CRYZL1: variants seen among roughly 807,000 people sequenced by gnomAD.
CRYZL1 encodes ferry endosomal RAB5 effector complex subunit 4.
Under a neutral mutation model 50.6 loss-of-function variants are expected in CRYZL1, and 34 were observed. That is an observed-to-expected ratio of 0.67 (90% CI 0.51 to 0.89). CRYZL1 has a LOEUF of 0.89. Among genes scored for constraint, CRYZL1 ranks in the 40% least tolerant of loss-of-function variants. The probability of loss-of-function intolerance (pLI) is 0.00; values close to 1 mark genes in which losing one functional copy is unlikely to be tolerated. For missense variants in CRYZL1, 354 were observed against 402.3 expected (o/e 0.88, Z 1.03); for synonymous variants, 125 against 134.3 (o/e 0.93, Z 0.48).
intron 3 of CRYZL1, among the ~76,000 whole-genome samples, chr21:33,623,553 C>G (rs973228672): frequency 2.0e-5 from 3 of 152,166 alleles, no homozygotes; most frequent in Non-Finnish European, 4.4e-5. Context: ...TACTAGTACT[C>G]TTGTGAAAAG....
At chr21:33,622,225 T>C (rs1210289726) in intron 3 of CRYZL1, among the ~76,000 whole-genome samples, 157 bp from the exon 4 acceptor site, 1 of 152,112 alleles carries the variant, frequency 6.6e-6, no homozygotes, top group East Asian at 1.9e-4. Flanking sequence ...ACAAAATAGG[T>C]TTCTCTAAAG....
At chr21:33,607,246 T>G (rs781239247) in intron 6 of CRYZL1, among the ~76,000 whole-genome samples, 12 of 152,226 alleles carry the variant, frequency 7.9e-5, no homozygotes, top group Non-Finnish European at 1.5e-4. Flanking sequence ...GAAATAGGAC[T>G]AACACCACAT....
At chr21:33,610,001 GC>G (rs955027235) in intron 6 of CRYZL1, among the ~76,000 whole-genome samples, 24 of 147,272 alleles carry the variant, frequency 1.6e-4, no homozygotes, top group Admixed American at 6.8e-5. Context: ...ACCATGCCTA[GC>G]CTTTTTTTTT....
intron 1 of CRYZL1, among the ~76,000 whole-genome samples, chr21:33,632,953 G>T (rs2087158818): frequency 6.6e-6 from 1 of 152,022 alleles, no homozygotes; most frequent in Admixed American, 6.6e-5. Flanking sequence ...GCACAGATTA[G>T]TTTTGTCTGC....
Position 33,626,701 on chromosome 21 carries a change from A to AG in CRYZL1, c.67-1942_67-1941insC, listed in dbSNP as rs1463315219. Among the ~76,000 whole-genome samples, 3 of 151,946 alleles carry AG rather than the reference A, an allele frequency of 2.0e-5. No individual in the cohort carries two copies. The East Asian group carries it at 5.8e-4, about 29-fold the overall frequency. ...GACAGAGCGAGACCCTGTCTCAAAA[A>AG]AAAAAAAAAAGAAAAAGAAAAGAAA... On this transcript the variant is annotated intron_variant, in intron 2 of 12. Coordinates refer to ENST00000381554, the MANE Select transcript of CRYZL1 (RefSeq NM_145858.3).
In CRYZL1 at chr21:33,598,069, GAAAT is replaced by G. The variant is rs112528976; in HGVS notation, c.677-672_677-669del. On this transcript the variant is annotated intron_variant, in intron 9 of 12. Coordinates refer to ENST00000381554, the MANE Select transcript of CRYZL1 (RefSeq NM_145858.3). Reference sequence around the variant, plus strand: ...ATTTATTGTAAATCTACTTATTATAGAAATAAATAAAGATAAAAAGTCTATCTTC... The same window carrying G: ...ATTTATTGTAAATCTACTTATTATAGAAATAAAGATAAAAAGTCTATCTTC... 4.9e-3 allele frequency among the ~76,000 whole-genome samples: 742 copies of G among 152,066 alleles called. 6 individuals are homozygous for G. Among genetic ancestry groups the G allele is most frequent in the African/African-American group, 0.017 (700 of 41,460 alleles).
chr21:33,634,880 A>ATATATATATATATAT (rs1491448633), intron 1 of CRYZL1, among the ~76,000 whole-genome samples: 1 of 144,400 alleles, frequency 6.9e-6, no homozygotes, highest in Admixed American at 7.0e-5. Context: ...CAACAACAAC[A>ATATATATATATATAT]ATATATATAT....
chr21:33,625,162 T>G (rs980941513), intron 2 of CRYZL1, among the ~76,000 whole-genome samples: 1 of 151,792 alleles, frequency 6.6e-6, no homozygotes, highest in Non-Finnish European at 1.5e-5. Flanking sequence ...TTACTGATTT[T>G]TTTTTTTTTT....
chr21:33,599,788 C>T (rs114060273), intron 8 of CRYZL1, among the ~76,000 whole-genome samples: 20 of 152,078 alleles, frequency 1.3e-4, no homozygotes, highest in African/African-American at 3.9e-4. Flanking sequence ...CATGCCACCA[C>T]GCATGGCTAT....
At position 33,625,031 on chromosome 21, in the gene CRYZL1, G is replaced by A. The variant is rs1011023848; in HGVS notation, c.67-271C>T. ...GATATATATGTAGACAATAAAGTTA[G>A]GATAACAAAGTAAAGCAGCAAATAC... On this transcript the variant is annotated intron_variant, in intron 2 of 12. Transcript: ENST00000381554. 3.9e-5 allele frequency among the ~76,000 whole-genome samples: 6 copies of A among 152,054 alleles called. No individual in the cohort carries two copies. The East Asian group carries it at 9.6e-4, about 24-fold the overall frequency.
chr21:33,595,458 T>A, intron 11 of CRYZL1: 1 of 1,373,010 alleles, frequency 7.3e-7, no homozygotes, highest in Non-Finnish European at 9.7e-7. Flanking sequence ...ACTGCCTGAG[T>A]GTGATTCTTG....
intron 2 of CRYZL1, among the ~76,000 whole-genome samples, chr21:33,626,696 C>CAAAAAA (rs1364493644): frequency 1.3e-5 from 1 of 75,646 alleles, no homozygotes; most frequent in Non-Finnish European, 2.7e-5. Flanking sequence ...GACCCTGTCT[C>CAAAAAA]AAAAAAAAAA....
intron 6 of CRYZL1, 110 bp downstream of exon 6, chr21:33,613,428 T>TTAA (rs2086893871): frequency 1.4e-6 from 1 of 706,678 alleles, no homozygotes; most frequent in African/African-American, 1.8e-5. Flanking sequence ...CTAATGATAC[T>TTAA]TTATTAAGTA....
intron 1 of CRYZL1, chr21:33,641,431 A>G: frequency 8.3e-7 from 1 of 1,207,940 alleles, no homozygotes; most frequent in Admixed American, 2.9e-5. Flanking sequence ...ATAAAAGTAG[A>G]GGGAGATGCA....
chr21:33,631,609 A>C, intron 1 of CRYZL1, 52 bp from the exon 2 acceptor site: 1 of 1,219,084 alleles, frequency 8.2e-7, no homozygotes, highest in Non-Finnish European at 1.1e-6. Flanking sequence ...TCCAGACTAA[A>C]TGTAAGCAAA....
In CRYZL1 at chr21:33,616,678, T is replaced by C. The variant is rs369297000; in HGVS notation, c.262+28A>G. Reference sequence around the variant, plus strand: ...AGAGATGACGGTAAAATAGATGACTTGAAATAAGACTATGAACTATAACTT... The same window carrying C: ...AGAGATGACGGTAAAATAGATGACTCGAAATAAGACTATGAACTATAACTT... On this transcript the variant is annotated intron_variant, in intron 5 of 12. Coordinates refer to ENST00000381554, the MANE Select transcript of CRYZL1 (RefSeq NM_145858.3). 2.7e-5 allele frequency: 44 copies of C among 1,607,880 alleles called. No individual in the cohort carries two copies. The African/African-American group carries it at 4.3e-4, about 16-fold the overall frequency.
intron 10 of CRYZL1, among the ~76,000 whole-genome samples, 164 bp downstream of exon 10, chr21:33,597,116 C>T (rs565863196): frequency 3.3e-5 from 5 of 151,882 alleles, no homozygotes; most frequent in Non-Finnish European, 5.9e-5. Flanking sequence ...GTGATCCGCC[C>T]GCCGCGGCCT....
At chr21:33,605,542 A>G (rs529209813) in intron 6 of CRYZL1, among the ~76,000 whole-genome samples, 1 of 1,934 alleles carries the variant, frequency 5.2e-4, no homozygotes, top group Admixed American at 4.1e-3. Context: ...TTTTTTTTTG[A>G]GATGGAGTCT....
intron 4 of CRYZL1, among the ~76,000 whole-genome samples, chr21:33,621,254 T>C (rs968841664): frequency 1.3e-5 from 2 of 151,210 alleles, no homozygotes; most frequent in Non-Finnish European, 3.0e-5. Context: ...AGAGAAAGAA[T>C]TGTCTTGAGC....
Sources: gnomAD v4.1 joint callset for allele counts (sites outside exome capture counted in the v4.1 genomes callset) on GRCh38, gnomAD v4.1.1 for gene constraint, MANE v1.5 for transcripts, NCBI Gene and HGNC (gene_info 2026-07-23, HGNC 2026-07-21) for gene names.